The following KIF26A variants were observed in gnomAD, a reference collection of about 807,000 sequenced individuals.
KIF26A encodes the protein kinesin family member 26A, also known as kinesin-like protein KIF26A.
A neutral mutation model predicts 126.0 loss-of-function variants in KIF26A; 74 were observed. The observed-to-expected ratio is 0.59, with a 90% CI of 0.49 to 0.71. The LOEUF (loss-of-function observed/expected upper bound fraction) is 0.71, where lower values mean the gene tolerates loss of function less well. Among genes scored for constraint, KIF26A ranks in the 30% least tolerant of loss-of-function variants. The pLI, the probability that KIF26A is intolerant of heterozygous loss-of-function variation, is 0.00. For missense variants in KIF26A, 2,984 were observed against 2,763.3 expected, an observed-to-expected ratio of 1.08 and a Z score of -1.79; for synonymous variants, 1,445 against 1,232.7, an observed-to-expected ratio of 1.17 and a Z score of -3.61.
Position 104,176,146 on chromosome 14 carries a change from T to C in KIF26A, c.3358T>C (p.Cys1120Arg). Residue 1120 changes from cysteine to arginine, a missense_variant, in exon 12 of 15, where the codon TGC becomes CGC. By Grantham distance (180) the Cys-to-Arg change is radical. Coordinates refer to ENST00000423312, the MANE Select transcript of KIF26A (RefSeq NM_015656.2). ...ISSWLSEVSV[C>R]TADSRDPTPQ... ...CTCCTGGCTCAGCGAGGTCAGCGTC[T>C]GCACTGCCGACAGCCGTGACCCCAC... 1 of 1,585,842 alleles carries C rather than the reference T, an allele frequency of 6.3e-7. No individual in the cohort carries two copies. The highest frequency in any genetic ancestry group is 8.6e-7 in the Non-Finnish European group (1 of 1,167,240).
In KIF26A at chr14:104,166,574, T is replaced by G. The variant is rs186612275; in HGVS notation, c.924-285T>G. ...CCCTTGGTGGGGGGATGGCATTCAGTGCAGAGCACAGGGAGGGGCGCTCAG... is the reference window on the plus strand; with the variant it reads ...CCCTTGGTGGGGGGATGGCATTCAGGGCAGAGCACAGGGAGGGGCGCTCAG... On this transcript the variant is annotated intron_variant, in intron 4 of 14. Coordinates refer to ENST00000423312, the MANE Select transcript of KIF26A (RefSeq NM_015656.2). Among the ~76,000 whole-genome samples, 4 of 152,218 alleles carry G rather than the reference T, an allele frequency of 2.6e-5. No individual in the cohort carries two copies. The East Asian group carries it at 7.8e-4, about 30-fold the overall frequency.
chr14:104,163,247 G>T (rs2037849376), intron 4 of KIF26A, among the ~76,000 whole-genome samples: 1 of 152,148 alleles, frequency 6.6e-6, no homozygotes, highest in South Asian at 2.1e-4. Context: ...GCCTCGCCCA[G>T]GCCCCTGCCC....
rs376499507 is a variant in KIF26A at position 104,138,992 on chromosome 14, T to G, written c.43-51T>G. 91 of 1,322,776 alleles carry G rather than the reference T, an allele frequency of 6.9e-5. 1 individual carries two copies. The East Asian group carries it at 1.1e-3, about 16-fold the overall frequency. 81.9% of individuals were successfully genotyped at this position (1,322,776 alleles called of 1,614,324 possible). On this transcript the variant is annotated intron_variant, in intron 1 of 14. Transcript: ENST00000423312. ...GGGGCAGGGCGCGCAGGGGTCTGGA[T>G]CCGACGGACGTCCCAGGCTCACTGT...
At position 104,155,699 on chromosome 14, in the gene KIF26A, C is replaced by T. The variant is rs541683952; in HGVS notation, c.736-2056C>T. Among the ~76,000 whole-genome samples the T allele has an allele frequency of 1.5e-3, 228 of 152,362 alleles. 1 individual carries two copies. Among genetic ancestry groups the T allele is most frequent in the Admixed American group, 5.4e-3 (83 of 15,306 alleles). ...CGGATGGGGCGGTGTCCCGGCAGCG[C>T]GTGGGACGGTGGAGCCGAGGCGCGT... On this transcript the variant is annotated intron_variant, in intron 3 of 14. Transcript: ENST00000423312.
intron 2 of KIF26A, among the ~76,000 whole-genome samples, chr14:104,150,592 T>C (rs1464499025): frequency 6.6e-6 from 1 of 152,014 alleles, no homozygotes; most frequent in East Asian, 2.0e-4. Context: ...TCAAGGAATG[T>C]GGGTGGGGTG....
At chr14:104,170,294 G>A (rs953780543) in intron 5 of KIF26A, among the ~76,000 whole-genome samples, 10 of 152,306 alleles carry the variant, frequency 6.6e-5, no homozygotes, top group African/African-American at 2.4e-4. Context: ...TGATCACGTC[G>A]TCGGGGGAAT....
intron 13 of KIF26A, 63 bp from the exon 14 acceptor site, chr14:104,179,173 G>A: frequency 7.1e-7 from 1 of 1,405,990 alleles, no homozygotes; most frequent in Non-Finnish European, 9.2e-7. Flanking sequence ...CCACATCAGG[G>A]CTGCTTGGGG....
In KIF26A at chr14:104,178,545, T is replaced by C; in HGVS notation, c.5111-5T>C. On this transcript the variant is annotated splice_region_variant and splice_polypyrimidine_tract_variant and intron_variant, in intron 12 of 14. Transcript: ENST00000423312. ...GTTCACCCTGTGCCCGGCTCTCCGT[T>C]CCAGGTCTGCAGCGGCGGCGCCTGA... 6.9e-7 allele frequency: 1 copy of C among 1,456,572 alleles called. No homozygotes were observed. Among genetic ancestry groups the C allele is most frequent in the Non-Finnish European group, 9.1e-7 (1 of 1,102,124 alleles). The allele number at this position is 1,456,572 out of a possible 1,614,324, so 90.2% of individuals were successfully genotyped here.
Position 104,177,113 on chromosome 14 carries a change from A to G in KIF26A, c.4325A>G (p.Glu1442Gly), listed in dbSNP as rs1215874478. The change falls in exon 12 of 15, where the codon GAA becomes GGA. Residue 1442 changes from glutamate to glycine, a missense_variant. Coordinates refer to ENST00000423312, the MANE Select transcript of KIF26A (RefSeq NM_015656.2). ...GGACACGCGTCTCTGGAGCGGTACG[A>G]AGGCCTGGCGCACAGCAGCAGCAAG... is the stretch of plus-strand genomic sequence containing the variant. ...LAGHASLERY[E>G]GLAHSSSKGR... 1 of 1,597,564 alleles carries G rather than the reference A, an allele frequency of 6.3e-7. No individual in the cohort carries two copies. Among genetic ancestry groups the G allele is most frequent in the Non-Finnish European group, 8.5e-7 (1 of 1,179,420 alleles).
At chr14:104,143,294 G>C (rs994962324) in intron 2 of KIF26A, among the ~76,000 whole-genome samples, 8 of 152,188 alleles carry the variant, frequency 5.3e-5, no homozygotes, top group Admixed American at 3.9e-4. Flanking sequence ...CTCTCCTCCC[G>C]GCGAAGCTCC....
rs537963681 is a variant in KIF26A, at chr14:104,176,190, C to T, written c.3402C>T (p.Ser1134=). The T allele has an allele frequency of 8.5e-5, 136 of 1,598,956 alleles. 1 individual carries two copies. In the East Asian group the frequency reaches 2.8e-3, roughly 33 times the overall value. The part of the protein sequence containing the change: ...SRDPTPQPRF[S]PDSLAGLDPG... ...ACCCCACGCCGCAGCCCCGCTTCAG[C>T]CCCGACTCGCTGGCAGGGCTTGACC... The change falls in exon 12 of 15, where the codon AGC becomes AGT. Residue 1134 remains serine, a synonymous_variant. Transcript: ENST00000423312.
chr14:104,173,211 T>G lies in KIF26A; in HGVS notation c.1655T>G (p.Leu552Arg). 1 of 1,610,728 alleles carries G rather than the reference T, an allele frequency of 6.2e-7. No homozygotes were observed. The highest frequency in any genetic ancestry group is 1.7e-5 in the Admixed American group (1 of 59,956). Residue 552 changes from leucine (L) to arginine (R), a missense_variant, in exon 8 of 15, where the codon CTG (leucine) becomes CGG (arginine). Physicochemically the swap from Leu to Arg is moderately radical, Grantham distance 102. Coordinates refer to ENST00000423312, the MANE Select transcript of KIF26A (RefSeq NM_015656.2). ...GACACCCAGTCTCCGGGAGTGTACCTGCGGGAGGACCCCGTGTGTGGGGCG... is the reference window on the plus strand; with the variant it reads ...GACACCCAGTCTCCGGGAGTGTACCGGCGGGAGGACCCCGTGTGTGGGGCG... The part of the protein sequence containing the change: ...LQDTQSPGVY[L>R]REDPVCGAQL...
chr14:104,174,824 C>G (rs756293818), intron 11 of KIF26A, among the ~76,000 whole-genome samples, 158 bp from the exon 12 acceptor site: 23 of 152,246 alleles, frequency 1.5e-4, no homozygotes, highest in Non-Finnish European at 3.1e-4. Flanking sequence ...CCCTGAGACT[C>G]AGTTCCGCTC....
At chr14:104,178,462 C>G in intron 12 of KIF26A, 88 bp from the exon 13 acceptor site, 1 of 1,011,960 alleles carries the variant, frequency 9.9e-7, no homozygotes, top group Non-Finnish European at 1.3e-6. Context: ...CCTGTCAGGA[C>G]TCGGGCCGGC....
Position 104,173,170 on chromosome 14 carries a change from C to T in KIF26A, c.1614C>T (p.Ala538=), listed in dbSNP as rs774094521. The part of the protein sequence containing the change: ...QSLRDLLAEV[A]PGSLQDTQSP... ...TGCGGGACCTGCTGGCCGAGGTGGC[C>T]CCTGGCAGCCTCCAGGACACCCAGT... is the stretch of plus-strand genomic sequence containing the variant. Residue 538 remains alanine (A), a synonymous_variant, in exon 8 of 15, where the codon GCC becomes GCT. Transcript: ENST00000423312. The T allele has an allele frequency of 6.2e-7, 1 of 1,611,572 alleles. No individual in the cohort carries two copies. Among genetic ancestry groups the T allele is most frequent in the Admixed American group, 1.7e-5 (1 of 59,912 alleles).
intron 2 of KIF26A, among the ~76,000 whole-genome samples, chr14:104,144,484 T>A (rs1721120654): frequency 6.6e-6 from 1 of 152,136 alleles, no homozygotes; most frequent in African/African-American, 2.4e-5. Flanking sequence ...CTGGAGGGGC[T>A]TGTGAGGGTT....
rs1213920292 is a variant in KIF26A at position 104,178,747 on chromosome 14, C to G, written c.5308C>G (p.Pro1770Ala). The part of the protein sequence containing the change: ...QRPRPTPREA[P>A]TQGLACVSTR... Reference sequence around the variant, plus strand: ...GCCCCGCCCCACCCCGAGGGAGGCCCCCACCCAGGTAGGGCCTTTGGTGGG... The same window carrying G: ...GCCCCGCCCCACCCCGAGGGAGGCCGCCACCCAGGTAGGGCCTTTGGTGGG... Residue 1770 changes from proline to alanine, a missense_variant, in exon 13 of 15, where the codon CCC becomes GCC. Pro to Ala is a conservative substitution (Grantham distance 27). Coordinates refer to ENST00000423312, the MANE Select transcript of KIF26A (RefSeq NM_015656.2). The G allele has an allele frequency of 1.3e-6, 2 of 1,522,790 alleles. No homozygotes were observed. Among genetic ancestry groups the G allele is most frequent in the Non-Finnish European group, 1.8e-6 (2 of 1,126,278 alleles). The allele number at this position is 1,522,790 out of a possible 1,614,324, so 94.3% of individuals were successfully genotyped here.
Position 104,176,132 on chromosome 14 carries a change from G to A in KIF26A, c.3344G>A (p.Ser1115Asn). ...SHGSSISSWL[S>N]EVSVCTADSR... ...GGCTCCTCCATCAGCTCCTGGCTCA[G>A]CGAGGTCAGCGTCTGCACTGCCGAC... The change falls in exon 12 of 15, where the codon AGC (serine) becomes AAC (asparagine). Residue 1115 changes from serine (S) to asparagine (N), a missense_variant. Ser to Asn is a conservative substitution (Grantham distance 46). Coordinates refer to ENST00000423312, the MANE Select transcript of KIF26A (RefSeq NM_015656.2). 1 of 1,580,230 alleles carries A rather than the reference G, an allele frequency of 6.3e-7. No individual in the cohort carries two copies. The highest frequency in any genetic ancestry group is 1.2e-5 in the South Asian group (1 of 86,694).
intron 2 of KIF26A, among the ~76,000 whole-genome samples, chr14:104,141,033 A>T (rs74087173): frequency 6.6e-6 from 1 of 152,136 alleles, no homozygotes; most frequent in Non-Finnish European, 1.5e-5. Flanking sequence ...GGGGGGCTGC[A>T]CCTGCCATCC....
Sources: allele counts gnomAD v4.1 joint callset (sites outside exome capture counted in the v4.1 genomes callset), GRCh38; gene constraint gnomAD v4.1.1; transcripts MANE v1.5; gene names NCBI Gene and HGNC (gene_info 2026-07-23, HGNC 2026-07-21).